The following SIK3 variants were observed in gnomAD, a reference collection of about 807,000 sequenced individuals.
The protein encoded by SIK3 is SIK family kinase 3.
A neutral mutation model predicts 144.2 loss-of-function variants in SIK3; 28 were observed. The observed-to-expected ratio is 0.19, with a 90% CI of 0.14 to 0.27. SIK3 has a LOEUF of 0.27. Ranked by LOEUF, SIK3 falls within the 10% of genes least tolerant of loss-of-function variation. The pLI is 1.00. For synonymous variants in SIK3, 686 were observed against 676.3 expected, an observed-to-expected ratio of 1.01 and a Z score of -0.22; for missense variants, 1,319 against 1,776.0, an observed-to-expected ratio of 0.74 and a Z score of 4.62.
chr11:116,989,675 T>C (rs537889566), intron 1 of SIK3, among the ~76,000 whole-genome samples: 2 of 152,260 alleles, frequency 1.3e-5, no homozygotes, highest in African/African-American at 2.4e-5. Flanking sequence ...TGAGTTCCTA[T>C]TACTGTGAGT....
intron 1 of SIK3, among the ~76,000 whole-genome samples, chr11:117,011,958 C>T (rs1243195705): frequency 6.6e-6 from 1 of 152,038 alleles, no homozygotes; most frequent in Non-Finnish European, 1.5e-5. Context: ...GCTATCAATA[C>T]AAGCCCAATC....
chr11:116,907,397 A>G (rs1232740616), intron 4 of SIK3, among the ~76,000 whole-genome samples: 4 of 152,236 alleles, frequency 2.6e-5, no homozygotes, highest in African/African-American at 9.6e-5. Flanking sequence ...CTGTAATCCC[A>G]GAACTTTGGG....
chr11:116,956,111 T>C (rs988699805), intron 2 of SIK3, among the ~76,000 whole-genome samples: 5 of 151,800 alleles, frequency 3.3e-5, no homozygotes, highest in African/African-American at 7.3e-5. Flanking sequence ...GCAAGTAGAG[T>C]TGGGCCTATG....
In SIK3 at chr11:116,921,221, G is replaced by A. The variant is rs182291245; in HGVS notation, c.616+5998C>T. Among the ~76,000 whole-genome samples, 26 of 152,302 alleles carry A rather than the reference G, an allele frequency of 1.7e-4. No individual in the cohort carries two copies. The East Asian group carries it at 4.6e-3, about 27-fold the overall frequency. On this transcript the variant is annotated intron_variant, in intron 4 of 24. Transcript: ENST00000445177. ...TGGAGAGTTAAAAGTGCCAGAAGAT[G>A]AAGAGATTTTACTTTTTTAATAAGA...
intron 3 of SIK3, among the ~76,000 whole-genome samples, chr11:116,949,434 G>A (rs1948829998): frequency 6.6e-6 from 1 of 152,208 alleles, no homozygotes; most frequent in African/African-American, 2.4e-5. Flanking sequence ...ATGCCCTGGG[G>A]CACAAATTGG....
intron 14 of SIK3, chr11:116,868,845 T>C (rs571173372): frequency 6.6e-6 from 1 of 152,386 alleles, no homozygotes; most frequent in Non-Finnish European, 1.5e-5. Flanking sequence ...ACCCAGCACT[T>C]AGTTAATACC....
intron 1 of SIK3, among the ~76,000 whole-genome samples, chr11:117,056,748 ATC>A (rs1353951092): frequency 3.3e-5 from 5 of 152,036 alleles, no homozygotes; most frequent in Non-Finnish European, 7.4e-5. Context: ...CCATCTTTTG[ATC>A]TCCTCTTCTA....
At chr11:116,847,417 G>A in intron 23 of SIK3, 59 bp downstream of exon 23, 2 of 1,606,432 alleles carry the variant, frequency 1.2e-6, no homozygotes, top group Non-Finnish European at 1.7e-6. Flanking sequence ...AGTTACGGAA[G>A]ATGGAGGGAG....
intron 4 of SIK3, among the ~76,000 whole-genome samples, chr11:116,920,523 G>A (rs1197502392): frequency 6.6e-6 from 1 of 152,084 alleles, no homozygotes; most frequent in Admixed American, 6.5e-5. Context: ...TGTGTTTACT[G>A]TCTATTTATC....
At chr11:116,896,837 C>CCAACATGG (rs1945428126) in intron 5 of SIK3, among the ~76,000 whole-genome samples, 1 of 152,004 alleles carries the variant, frequency 6.6e-6, no homozygotes, top group African/African-American at 2.4e-5. Flanking sequence ...ACCAGCCTGG[C>CCAACATGG]CAACATGGTG....
chr11:117,087,633 TAAGA>T lies in SIK3; in HGVS notation c.273+10506_273+10509del, dbSNP rs574509426. ...CAACAAAGGCAGATGGGGAGACAGA[TAAGA>T]TAAAGAGAGCCAGTGTGGCTTGCAG... On this transcript the variant is annotated intron_variant, in intron 1 of 24. Coordinates refer to ENST00000445177, the MANE Select transcript of SIK3 (RefSeq NM_001366686.3). Among the ~76,000 whole-genome samples, 798 of 152,184 alleles carry T rather than the reference TAAGA, an allele frequency of 5.2e-3. 9 individuals are homozygous for T. The highest frequency in any genetic ancestry group is 0.018 in the African/African-American group (759 of 41,540).
At chr11:117,050,866 T>C (rs1292092303) in intron 1 of SIK3, among the ~76,000 whole-genome samples, 1 of 152,116 alleles carries the variant, frequency 6.6e-6, no homozygotes, top group Non-Finnish European at 1.5e-5. Flanking sequence ...CAGCTCATTC[T>C]AGGATATAGT....
At chr11:117,043,111 C>T (rs913937336) in intron 1 of SIK3, among the ~76,000 whole-genome samples, 3 of 152,102 alleles carry the variant, frequency 2.0e-5, no homozygotes, top group Admixed American at 2.0e-4. Flanking sequence ...AAATTATTGA[C>T]TTGATGAGCT....
chr11:117,092,407 T>C (rs1022181838), intron 1 of SIK3, among the ~76,000 whole-genome samples: 2 of 152,162 alleles, frequency 1.3e-5, no homozygotes, highest in Admixed American at 6.5e-5. Context: ...TCAGCTCAAA[T>C]ATCATCATCT....
intron 3 of SIK3, 53 bp from the exon 4 acceptor site, chr11:116,927,433 C>T (rs1253599016): frequency 6.3e-7 from 1 of 1,575,498 alleles, no homozygotes; most frequent in Non-Finnish European, 8.7e-7. Context: ...TGTGTAATTT[C>T]AAAAGGTAGA....
intron 3 of SIK3, among the ~76,000 whole-genome samples, chr11:116,927,725 A>G (rs1256325219): frequency 6.6e-6 from 1 of 152,222 alleles, no homozygotes. Context: ...ATGAGCAAAC[A>G]CACACATGAA....
At chr11:117,018,332 T>C (rs1951622454) in intron 1 of SIK3, among the ~76,000 whole-genome samples, 1 of 152,118 alleles carries the variant, frequency 6.6e-6, no homozygotes, top group Non-Finnish European at 1.5e-5. Flanking sequence ...AATCCACATA[T>C]AAGTGGATTG....
intron 11 of SIK3, 28 bp from the exon 12 acceptor site, chr11:116,874,084 T>G: frequency 6.2e-7 from 1 of 1,611,824 alleles, no homozygotes. Flanking sequence ...GACAGAGAAG[T>G]TTAGTTAACA....
At chr11:116,982,531 G>A (rs1223434249) in intron 1 of SIK3, among the ~76,000 whole-genome samples, 2 of 151,948 alleles carry the variant, frequency 1.3e-5, no homozygotes, top group East Asian at 1.9e-4. Flanking sequence ...CTCGTGATTT[G>A]CCCACCTCGG....
Sources: allele counts gnomAD v4.1 joint callset (sites outside exome capture counted in the v4.1 genomes callset), GRCh38; gene constraint gnomAD v4.1.1; transcripts MANE v1.5; gene names NCBI Gene and HGNC (gene_info 2026-07-23, HGNC 2026-07-21).